Variants in ZNF804B observed in about 807,000 individuals in gnomAD.
The protein encoded by ZNF804B is zinc finger protein 804B.
In ZNF804B, 80 loss-of-function variants were observed where a neutral mutation model predicts 101.4. The ratio of observed to expected loss-of-function variants is 0.79; its 90% confidence interval spans 0.66 to 0.95. ZNF804B has a LOEUF of 0.95. Ranked by LOEUF, ZNF804B falls within the 40% of genes least tolerant of loss-of-function variation. The pLI, the probability that ZNF804B is intolerant of heterozygous loss-of-function variation, is 0.00. For synonymous variants in ZNF804B, 622 were observed against 558.8 expected (o/e 1.11, Z -1.59); for missense variants, 1,673 against 1,561.9 (o/e 1.07, Z -1.20).
At chr7:89,251,878 C>G (rs2115790041) in intron 2 of ZNF804B, among the ~76,000 whole-genome samples, 2 of 152,140 alleles carry the variant, frequency 1.3e-5, no homozygotes, top group South Asian at 4.2e-4. Context: ...GAAACTGGAC[C>G]CCTACCTTTT....
chr7:89,330,739 T>C (rs905107867), intron 3 of ZNF804B, among the ~76,000 whole-genome samples: 1 of 151,550 alleles, frequency 6.6e-6, no homozygotes, highest in Admixed American at 6.6e-5. Context: ...GAAAAATCTG[T>C]AATTATAAAT....
intron 1 of ZNF804B, among the ~76,000 whole-genome samples, chr7:89,062,528 C>A (rs1392213763): frequency 6.6e-6 from 1 of 151,874 alleles, no homozygotes; most frequent in African/African-American, 2.4e-5. Context: ...ATTTTTTTCT[C>A]ATTTTGACTA....
intron 2 of ZNF804B, among the ~76,000 whole-genome samples, chr7:89,324,375 C>T (rs899021162): frequency 8.6e-5 from 13 of 151,766 alleles, no homozygotes; most frequent in African/African-American, 3.1e-4. Context: ...CAAGTGTTGA[C>T]ATAATATGTG....
chr7:88,802,942 C>T (rs1039242424), intron 1 of ZNF804B, among the ~76,000 whole-genome samples: 1 of 152,066 alleles, frequency 6.6e-6, no homozygotes, highest in African/African-American at 2.4e-5. Flanking sequence ...CTATAAGGCA[C>T]CCCCTTAAGT....
intron 1 of ZNF804B, among the ~76,000 whole-genome samples, chr7:89,068,621 A>G (rs1457953393): frequency 6.6e-6 from 1 of 152,232 alleles, no homozygotes; most frequent in Non-Finnish European, 1.5e-5. Context: ...AGAGCAAGAA[A>G]CAACATTATA....
intron 1 of ZNF804B, among the ~76,000 whole-genome samples, chr7:89,130,709 T>G (rs1790535116): frequency 6.6e-6 from 1 of 152,048 alleles, no homozygotes; most frequent in African/African-American, 2.4e-5. Flanking sequence ...ACATTTTTAA[T>G]AAGAATGAAT....
rs755417691 is a variant in ZNF804B, at chr7:89,333,662, T to G, written c.680T>G (p.Val227Gly). ...GTATCATTTACTTTTTCCAAAAAAG[T>G]GCACCTAAAATTAGAATCTTCAGCA... ...TGVSFTFSKK[V>G]HLKLESSASV... Residue 227 changes from valine to glycine, a missense_variant, in exon 4 of 4, where the codon GTG becomes GGG. Val to Gly is a moderately radical substitution (Grantham distance 109). Coordinates refer to ENST00000333190, the MANE Select transcript of ZNF804B (RefSeq NM_181646.5). 7 of 1,613,530 alleles carry G rather than the reference T, an allele frequency of 4.3e-6. No homozygotes were observed. The East Asian group carries it at 1.3e-4, about 31-fold the overall frequency.
intron 1 of ZNF804B, among the ~76,000 whole-genome samples, chr7:88,830,311 A>G (rs993252448): frequency 6.6e-6 from 1 of 152,104 alleles, no homozygotes; most frequent in Non-Finnish European, 1.5e-5. Context: ...TTAATTCAAA[A>G]GTTATTAACA....
intron 1 of ZNF804B, among the ~76,000 whole-genome samples, chr7:88,771,830 G>T (rs757061775): frequency 2.0e-5 from 3 of 152,098 alleles, no homozygotes; most frequent in Non-Finnish European, 4.4e-5. Flanking sequence ...ATGGCCCTCT[G>T]TTGAGTTTTC....
intron 1 of ZNF804B, among the ~76,000 whole-genome samples, chr7:88,813,366 A>G (rs1427536341): frequency 6.6e-6 from 1 of 151,024 alleles, no homozygotes; most frequent in Non-Finnish European, 1.5e-5. Flanking sequence ...CGGAGCTTGC[A>G]GTGAGCCGAG....
At chr7:89,009,821 T>C (rs78211246) in intron 1 of ZNF804B, among the ~76,000 whole-genome samples, 20,047 of 152,196 alleles carry the variant, frequency 0.13, 1,753 homozygotes, top group Non-Finnish European at 0.2. Flanking sequence ...ATGTCTGTTG[T>C]TAATAAGCCA....
chr7:89,103,054 T>TTTTTTTTTTTTTTTG (rs1790082488), intron 1 of ZNF804B, among the ~76,000 whole-genome samples: 1 of 41,024 alleles, frequency 2.4e-5, no homozygotes, highest in African/African-American at 1.1e-4. Flanking sequence ...GTCTGTTTTT[T>TTTTTTTTTTTTTTTG]TTTTTTTTTT....
At chr7:89,074,154 G>A (rs191383095) in intron 1 of ZNF804B, among the ~76,000 whole-genome samples, 2 of 152,156 alleles carry the variant, frequency 1.3e-5, no homozygotes, top group South Asian at 2.1e-4. Flanking sequence ...GTTCATTTAC[G>A]TGAGCCAATA....
chr7:88,794,527 G>C, intron 1 of ZNF804B: 1 of 1,613,602 alleles, frequency 6.2e-7, no homozygotes, highest in Non-Finnish European at 8.5e-7. Context: ...AAGCCTCATT[G>C]GAATGTTATG....
At chr7:89,207,239 A>G (rs755175785) in intron 1 of ZNF804B, among the ~76,000 whole-genome samples, 2 of 152,206 alleles carry the variant, frequency 1.3e-5, no homozygotes, top group Non-Finnish European at 2.9e-5. Flanking sequence ...TGCTGCTAAT[A>G]AAGACATACC....
At chr7:89,016,646 G>C (rs953875271) in intron 1 of ZNF804B, among the ~76,000 whole-genome samples, 30 of 151,476 alleles carry the variant, frequency 2.0e-4, no homozygotes, top group African/African-American at 6.6e-4. Flanking sequence ...TCAGATAGTT[G>C]TAGATATGTG....
intron 2 of ZNF804B, among the ~76,000 whole-genome samples, chr7:89,308,368 T>G (rs1790597428): frequency 6.6e-6 from 1 of 152,076 alleles, no homozygotes; most frequent in South Asian, 2.1e-4. Flanking sequence ...GTGAGAATAT[T>G]CAGGGCTTGT....
intron 1 of ZNF804B, among the ~76,000 whole-genome samples, chr7:88,809,587 A>T (rs954850499): frequency 6.6e-6 from 1 of 152,180 alleles, no homozygotes; most frequent in African/African-American, 2.4e-5. Flanking sequence ...GATTTTAAAA[A>T]CTTGAGGGTA....
chr7:89,293,390 T>A (rs1362614289), intron 2 of ZNF804B, among the ~76,000 whole-genome samples: 1 of 152,174 alleles, frequency 6.6e-6, no homozygotes, highest in Non-Finnish European at 1.5e-5. Context: ...CAATTGTTAT[T>A]TGTCCCAATT....
Sources: gnomAD v4.1 joint callset for allele counts (sites outside exome capture counted in the v4.1 genomes callset) on GRCh38, gnomAD v4.1.1 for gene constraint, MANE v1.5 for transcripts, NCBI Gene and HGNC (gene_info 2026-07-23, HGNC 2026-07-21) for gene names.